The following CCNY variants were observed in gnomAD, a reference collection of about 807,000 sequenced individuals.
CCNY encodes the protein cyclin-Y.
A neutral mutation model predicts 42.8 loss-of-function variants in CCNY; 19 were observed. The observed-to-expected ratio is 0.44, with a 90% CI of 0.31 to 0.65. The LOEUF is 0.65. Ranked by LOEUF, CCNY falls within the 30% of genes least tolerant of loss-of-function variation. The pLI, the probability that CCNY is intolerant of heterozygous loss-of-function variation, is 0.07. For synonymous variants in CCNY, 165 were observed against 162.7 expected, an observed-to-expected ratio of 1.01 and a Z score of -0.11; for missense variants, 370 against 437.3, an observed-to-expected ratio of 0.85 and a Z score of 1.37.
At chr10:35,350,209 G>A (rs1218534128) in intron 1 of CCNY, among the ~76,000 whole-genome samples, 2 of 152,180 alleles carry the variant, frequency 1.3e-5, no homozygotes, top group Non-Finnish European at 2.9e-5. Flanking sequence ...TGGAAGTTGT[G>A]TAATTTCTTT....
chr10:35,431,137 C>T (rs1475365566), intron 1 of CCNY, among the ~76,000 whole-genome samples: 1 of 151,616 alleles, frequency 6.6e-6, no homozygotes, highest in African/African-American at 2.4e-5. Context: ...AAAATTAATA[C>T]TTACATTAAT....
chr10:35,514,709 A>T (rs1218727402), intron 3 of CCNY, among the ~76,000 whole-genome samples: 8 of 152,120 alleles, frequency 5.3e-5, no homozygotes, highest in Non-Finnish European at 1.5e-5. Flanking sequence ...AACAATTGAA[A>T]CCCACAAGAA....
chr10:35,483,377 A>G (rs1418674771), intron 1 of CCNY, 27 bp from the exon 2 acceptor site: 3 of 1,460,138 alleles, frequency 2.1e-6, no homozygotes, highest in Non-Finnish European at 2.9e-6. Flanking sequence ...TGGTTTATTC[A>G]TATAATTTAT....
At chr10:35,536,494 A>G (rs1840890112) in intron 7 of CCNY, among the ~76,000 whole-genome samples, 1 of 152,222 alleles carries the variant, frequency 6.6e-6, no homozygotes, top group African/African-American at 2.4e-5. Flanking sequence ...AAAGGCTCAG[A>G]AGAACACAGG....
intron 3 of CCNY, among the ~76,000 whole-genome samples, chr10:35,302,218 C>T (rs1337368011): frequency 1.3e-5 from 2 of 151,844 alleles, no homozygotes; most frequent in Admixed American, 1.3e-4. Context: ...GCCTCGGCCT[C>T]CCAGAGTGCT....
chr10:35,321,930 T>C (rs1006883451), intron 3 of CCNY, among the ~76,000 whole-genome samples: 3 of 152,104 alleles, frequency 2.0e-5, no homozygotes, highest in South Asian at 4.1e-4. Flanking sequence ...AGTAAGTCAA[T>C]AGGGGAAAGA....
intron 1 of CCNY, among the ~76,000 whole-genome samples, chr10:35,396,377 C>T (rs1837526223): frequency 6.6e-6 from 1 of 152,200 alleles, no homozygotes. Context: ...CCCCACCCTA[C>T]AGCTGAGTTG....
At chr10:35,434,594 TC>T (rs1364708803) in intron 1 of CCNY, among the ~76,000 whole-genome samples, 1 of 152,260 alleles carries the variant, frequency 6.6e-6, no homozygotes, top group African/African-American at 2.4e-5. Context: ...CCTTAAGTGA[TC>T]CTTTGTCAAA....
intron 1 of CCNY, among the ~76,000 whole-genome samples, chr10:35,342,966 T>C (rs1309891103): frequency 2.0e-5 from 3 of 151,850 alleles, no homozygotes; most frequent in East Asian, 1.9e-4. Flanking sequence ...TGTCTAGCAA[T>C]ATTTTGTGTA....
At chr10:35,375,488 C>T (rs902604846) in intron 1 of CCNY, among the ~76,000 whole-genome samples, 1 of 152,190 alleles carries the variant, frequency 6.6e-6, no homozygotes, top group African/African-American at 2.4e-5. Context: ...AGCTTTAATT[C>T]CATCTGCAGC....
intron 1 of CCNY, among the ~76,000 whole-genome samples, chr10:35,417,371 T>TCAC (rs1263984487): frequency 7.2e-5 from 11 of 152,342 alleles, no homozygotes; most frequent in African/African-American, 2.4e-4. Context: ...AGCTCTTGAT[T>TCAC]CACCACTTAC....
At position 35,572,060 on chromosome 10, in the gene CCNY, C is replaced by G. The variant is rs949540637; in HGVS notation, c.*2890C>G. 1 of 151,788 alleles carries G rather than the reference C, an allele frequency of 6.6e-6. No individual in the cohort carries two copies. Among genetic ancestry groups the G allele is most frequent in the Non-Finnish European group, 1.5e-5 (1 of 67,960 alleles). 9.4% of individuals were successfully genotyped at this position (151,788 alleles called of 1,614,324 possible). ...GAAATCCTGCCAAGATCGGGATGTG[C>G]CTTCATGCATGAGGTGAGGCCAGAG... On this transcript the variant is annotated 3_prime_UTR_variant, in exon 10 of 10. Transcript: ENST00000374704.
At chr10:35,266,441 A>C (rs1243608656) in intron 3 of CCNY, among the ~76,000 whole-genome samples, 1 of 151,550 alleles carries the variant, frequency 6.6e-6, no homozygotes, top group Non-Finnish European at 1.5e-5. Context: ...TGATTTTTTG[A>C]TCACTTGGTG....
intron 1 of CCNY, among the ~76,000 whole-genome samples, chr10:35,462,287 G>A (rs888618287): frequency 1.3e-5 from 2 of 152,190 alleles, no homozygotes; most frequent in African/African-American, 2.4e-5. Flanking sequence ...TAGGAATGGC[G>A]GTAGTCCTGG....
intron 1 of CCNY, among the ~76,000 whole-genome samples, chr10:35,472,148 T>C (rs1261750711): frequency 1.3e-5 from 2 of 152,208 alleles, no homozygotes; most frequent in African/African-American, 4.8e-5. Context: ...GTGGTGGACA[T>C]CCTGCCCATT....
chr10:35,498,813 C>G (rs1308880090), intron 2 of CCNY, among the ~76,000 whole-genome samples: 2 of 152,210 alleles, frequency 1.3e-5, no homozygotes, highest in Non-Finnish European at 1.5e-5. Flanking sequence ...AGGAGCATTA[C>G]AAAACCATAC....
intron 1 of CCNY, among the ~76,000 whole-genome samples, chr10:35,437,610 C>T (rs1179953532): frequency 6.6e-6 from 1 of 151,916 alleles, no homozygotes; most frequent in East Asian, 1.9e-4. Context: ...GCCGAGATCA[C>T]ACCACTACGC....
At chr10:35,563,600 T>G (rs1841508620) in intron 8 of CCNY, among the ~76,000 whole-genome samples, 1 of 152,244 alleles carries the variant, frequency 6.6e-6, no homozygotes, top group South Asian at 2.1e-4. Flanking sequence ...AAGTCTTACC[T>G]GGATTCCAGT....
At chr10:35,563,787 A>G (rs1841512256) in intron 8 of CCNY, among the ~76,000 whole-genome samples, 1 of 152,044 alleles carries the variant, frequency 6.6e-6, no homozygotes, top group South Asian at 2.1e-4. Context: ...GCTCACTGCA[A>G]CTTCCGCCTC....
Sources: gnomAD v4.1 joint callset for allele counts (sites outside exome capture counted in the v4.1 genomes callset) on GRCh38, gnomAD v4.1.1 for gene constraint, MANE v1.5 for transcripts, NCBI Gene and HGNC (gene_info 2026-07-23, HGNC 2026-07-21) for gene names.